CCDC178: variants seen among roughly 807,000 people sequenced by gnomAD.
CCDC178 encodes the protein coiled-coil domain-containing protein 178.
In CCDC178, 126 loss-of-function variants were observed where a neutral mutation model predicts 117.4. That is an observed-to-expected ratio of 1.07 (90% CI 0.93 to 1.24). The LOEUF is 1.24. CCDC178 is among the 50% of genes most tolerant of loss of function. CCDC178 has a pLI of 0.00. For missense variants in CCDC178, 1,030 were observed against 986.9 expected (o/e 1.04, Z -0.59); for synonymous variants, 283 against 313.4 (o/e 0.90, Z 1.02).
intron 2 of CCDC178, among the ~76,000 whole-genome samples, chr18:33,424,293 T>C (rs1160274627): frequency 1.3e-5 from 2 of 152,202 alleles, no homozygotes; most frequent in Non-Finnish European, 2.9e-5. Context: ...TCCTAATCTA[T>C]AGAATATTTG....
intron 2 of CCDC178, among the ~76,000 whole-genome samples, chr18:33,412,533 A>G (rs114083996): frequency 6.6e-6 from 1 of 152,126 alleles, no homozygotes; most frequent in Admixed American, 6.5e-5. Context: ...AGTAGAGCAA[A>G]AAGTGCAATG....
intron 8 of CCDC178, among the ~76,000 whole-genome samples, chr18:33,347,561 T>A (rs369113952): frequency 2.4e-4 from 36 of 152,154 alleles, no homozygotes; most frequent in African/African-American, 8.7e-4. Context: ...TTCTACCACA[T>A]CTTGGATACT....
At chr18:33,071,117 G>A (rs1338152482) in intron 21 of CCDC178, among the ~76,000 whole-genome samples, 3 of 152,084 alleles carry the variant, frequency 2.0e-5, no homozygotes, top group Admixed American at 2.0e-4. Flanking sequence ...TTTATACAGT[G>A]AGCAGCAAAC....
At chr18:33,089,882 A>G (rs2057436722) in intron 21 of CCDC178, among the ~76,000 whole-genome samples, 2 of 150,566 alleles carry the variant, frequency 1.3e-5, no homozygotes, top group South Asian at 4.2e-4. Flanking sequence ...TGTTTTTCAG[A>G]GATTTTCCTT....
At chr18:33,226,882 A>C in intron 15 of CCDC178, 27 bp from the exon 16 acceptor site, 1 of 1,320,296 alleles carries the variant, frequency 7.6e-7, no homozygotes, top group South Asian at 1.4e-5. Context: ...TTTTAAAATG[A>C]GGATTTTCTT....
At chr18:33,026,769 A>G (rs1344844782) in intron 21 of CCDC178, among the ~76,000 whole-genome samples, 3 of 151,936 alleles carry the variant, frequency 2.0e-5, no homozygotes, top group African/African-American at 7.2e-5. Context: ...CCTCATCATA[A>G]AACATAAGAC....
At chr18:33,054,105 C>T (rs774991007) in intron 21 of CCDC178, among the ~76,000 whole-genome samples, 11 of 152,074 alleles carry the variant, frequency 7.2e-5, no homozygotes, top group Middle Eastern at 3.2e-3. Flanking sequence ...CGTGAAAATA[C>T]ACCCTTTCCT....
intron 20 of CCDC178, among the ~76,000 whole-genome samples, chr18:33,135,173 T>A (rs1298547540): frequency 6.6e-6 from 1 of 152,152 alleles, no homozygotes; most frequent in South Asian, 2.1e-4. Context: ...ATTAATTTTG[T>A]CATTAATAAT....
At chr18:33,309,668 G>A (rs983796583) in intron 11 of CCDC178, among the ~76,000 whole-genome samples, 2 of 151,894 alleles carry the variant, frequency 1.3e-5, no homozygotes, top group Middle Eastern at 3.2e-3. Context: ...AAAATTTAAG[G>A]TTATTGAGAA....
At chr18:33,170,056 TTGTGTG>T (rs35832872) in intron 20 of CCDC178, among the ~76,000 whole-genome samples, 10 of 148,308 alleles carry the variant, frequency 6.7e-5, no homozygotes, top group African/African-American at 7.4e-5. Flanking sequence ...TCCCAGGCAT[TTGTGTG>T]TGTGTGTGTG....
At chr18:33,033,476 C>G (rs978535155) in intron 21 of CCDC178, among the ~76,000 whole-genome samples, 16 of 152,030 alleles carry the variant, frequency 1.1e-4, no homozygotes, top group African/African-American at 3.9e-4. Context: ...TCTACCTATG[C>G]CTTTGTTCCC....
intron 22 of CCDC178, among the ~76,000 whole-genome samples, chr18:32,946,193 G>A (rs1206172516): frequency 6.6e-6 from 1 of 152,168 alleles, no homozygotes; most frequent in Non-Finnish European, 1.5e-5. Context: ...TTTTACTCAT[G>A]AGAATAAATG....
intron 12 of CCDC178, 120 bp downstream of exon 12, chr18:33,293,039 G>A (rs1306183470): frequency 1.6e-6 from 1 of 620,236 alleles, no homozygotes; most frequent in East Asian, 3.0e-5. Context: ...AACTAATACA[G>A]GCAAATTGGC....
rs527956261 is a variant in CCDC178, at chr18:33,132,096, T to C, written c.2239-39186A>G. ...TTTAACTTCCTGACCTCATCTACAC[T>C]TTCATTGTGTAAATGGTCTTTAATG... On this transcript the variant is annotated intron_variant, in intron 20 of 22. Transcript: ENST00000383096. Among the ~76,000 whole-genome samples the C allele has an allele frequency of 9.2e-5, 14 of 151,808 alleles. No homozygotes were observed. The South Asian group carries it at 2.9e-3, about 31-fold the overall frequency.
intron 14 of CCDC178, among the ~76,000 whole-genome samples, chr18:33,265,050 A>C (rs1325609063): frequency 1.3e-5 from 2 of 152,144 alleles, no homozygotes; most frequent in Non-Finnish European, 2.9e-5. Context: ...ATAAAATAAA[A>C]TGATAAAATG....
intron 22 of CCDC178, among the ~76,000 whole-genome samples, chr18:32,946,739 C>CTTTT (rs2054359958): frequency 9.8e-6 from 1 of 101,978 alleles, no homozygotes; most frequent in African/African-American, 3.5e-5. Context: ...TTTTTTTTTG[C>CTTTT]TGTTTTTGTT....
intron 22 of CCDC178, among the ~76,000 whole-genome samples, chr18:32,970,512 C>T (rs1272298335): frequency 2.0e-5 from 3 of 151,836 alleles, no homozygotes; most frequent in African/African-American, 2.4e-5. Flanking sequence ...TTAAAGGAAT[C>T]GAGATACTAA....
intron 20 of CCDC178, among the ~76,000 whole-genome samples, chr18:33,122,137 A>G (rs1033897808): frequency 6.6e-6 from 1 of 152,186 alleles, no homozygotes; most frequent in Non-Finnish European, 1.5e-5. Context: ...ATGAAATACA[A>G]AAGTGTCCTG....
At chr18:33,201,314 A>C (rs920148550) in intron 20 of CCDC178, among the ~76,000 whole-genome samples, 3 of 152,258 alleles carry the variant, frequency 2.0e-5, no homozygotes, top group Admixed American at 2.0e-4. Flanking sequence ...AAAGCCCTTG[A>C]AAAAGTATTT....
Sources: gnomAD v4.1 joint callset for allele counts (sites outside exome capture counted in the v4.1 genomes callset) on GRCh38, gnomAD v4.1.1 for gene constraint, MANE v1.5 for transcripts, NCBI Gene and HGNC (gene_info 2026-07-23, HGNC 2026-07-21) for gene names.